DAB1: variants seen among roughly 807,000 people sequenced by gnomAD.
DAB1 encodes DAB adaptor protein 1.
DAB1 carries 15 observed loss-of-function variants against 64.6 expected under a neutral mutation model. The ratio of observed to expected loss-of-function variants is 0.23; its 90% CI spans 0.16 to 0.36. DAB1 has a LOEUF of 0.36. Ranked by LOEUF, DAB1 falls within the 10% of genes least tolerant of loss-of-function variation. DAB1 has a pLI of 1.00. For synonymous variants in DAB1, 235 were observed against 251.9 expected (o/e 0.93, Z 0.64); for missense variants, 596 against 706.7 (o/e 0.84, Z 1.78).
chr1:58,082,638 G>C (rs1450360281), intron 5 of DAB1, among the ~76,000 whole-genome samples: 1 of 152,094 alleles, frequency 6.6e-6, no homozygotes. Context: ...CCCCTGACAT[G>C]ACCCTTGGAG....
At chr1:57,773,661 C>A (rs1287773648) in intron 6 of DAB1, among the ~76,000 whole-genome samples, 1 of 151,922 alleles carries the variant, frequency 6.6e-6, no homozygotes, top group Non-Finnish European at 1.5e-5. Flanking sequence ...GTATACTATC[C>A]ATTTCAAGTA....
intron 4 of DAB1, among the ~76,000 whole-genome samples, chr1:57,113,937 A>G (rs10493215): frequency 0.083 from 12,574 of 152,292 alleles, 614 homozygotes; most frequent in South Asian, 0.12. Context: ...AAATAATTCA[A>G]AATGCACATA....
At chr1:58,384,065 T>G (rs1416153738) in intron 3 of DAB1, among the ~76,000 whole-genome samples, 1 of 152,196 alleles carries the variant, frequency 6.6e-6, no homozygotes, top group Non-Finnish European at 1.5e-5. Flanking sequence ...GTTGTTTTTT[T>G]TTTTATAGTA....
intron 3 of DAB1, among the ~76,000 whole-genome samples, chr1:58,403,104 T>C (rs1287394770): frequency 6.6e-6 from 1 of 152,002 alleles, no homozygotes; most frequent in East Asian, 1.9e-4. Flanking sequence ...TGCAGTTGAG[T>C]TGTGTTAAAG....
intron 2 of DAB1, among the ~76,000 whole-genome samples, chr1:57,252,858 C>T (rs1388214911): frequency 6.6e-6 from 1 of 152,170 alleles, no homozygotes. Context: ...GCTTAAAAAT[C>T]ATGCTAACCT....
chr1:57,377,251 C>T (rs1008080652), intron 1 of DAB1, among the ~76,000 whole-genome samples: 9 of 147,058 alleles, frequency 6.1e-5, no homozygotes, highest in African/African-American at 2.3e-4. Context: ...GCCTGGGTGA[C>T]AGAGTGAGAC....
chr1:57,364,506 C>G (rs1679810814), intron 1 of DAB1, among the ~76,000 whole-genome samples: 1 of 151,984 alleles, frequency 6.6e-6, no homozygotes, highest in Non-Finnish European at 1.5e-5. Flanking sequence ...ATTAAATGAT[C>G]TATAAAGACC....
intron 6 of DAB1, among the ~76,000 whole-genome samples, chr1:57,748,869 G>C (rs979253812): frequency 6.6e-6 from 1 of 152,182 alleles, no homozygotes; most frequent in Admixed American, 6.5e-5. Context: ...TTTTCATGCA[G>C]GCTGGCCAAT....
intron 7 of DAB1, among the ~76,000 whole-genome samples, chr1:57,522,089 G>A (rs1056806451): frequency 2.0e-5 from 3 of 151,220 alleles, no homozygotes; most frequent in South Asian, 2.1e-4. Flanking sequence ...CAGCCTGGGC[G>A]ACAGAGCGAG....
intron 1 of DAB1, among the ~76,000 whole-genome samples, chr1:57,304,157 G>A (rs941581399): frequency 2.6e-5 from 4 of 152,176 alleles, no homozygotes; most frequent in African/African-American, 9.7e-5. Context: ...CAGAAGGGAA[G>A]GTAAAGCAGG....
intron 5 of DAB1, among the ~76,000 whole-genome samples, chr1:57,989,746 G>A (rs1463008368): frequency 6.6e-6 from 1 of 152,112 alleles, no homozygotes; most frequent in East Asian, 1.9e-4. Context: ...GATGCACCAG[G>A]ACATTGATTT....
chr1:57,331,199 A>G (rs1570295966), intron 1 of DAB1, among the ~76,000 whole-genome samples: 1 of 152,324 alleles, frequency 6.6e-6, no homozygotes, highest in East Asian at 1.9e-4. Context: ...TCTGCTAACG[A>G]TAAGAACAAT....
At chr1:57,938,061 C>G (rs964458179) in intron 5 of DAB1, among the ~76,000 whole-genome samples, 1 of 152,218 alleles carries the variant, frequency 6.6e-6, no homozygotes, top group African/African-American at 2.4e-5. Context: ...GTGACTTGCA[C>G]TAAGCAGAAA....
intron 7 of DAB1, among the ~76,000 whole-genome samples, chr1:57,553,313 C>T (rs1002065709): frequency 1.5e-5 from 2 of 131,674 alleles, no homozygotes; most frequent in African/African-American, 5.8e-5. Flanking sequence ...GTAATAGGAA[C>T]CAATTCAAGA....
intron 1 of DAB1, among the ~76,000 whole-genome samples, chr1:57,867,671 G>C (rs1654366994): frequency 6.6e-6 from 1 of 152,080 alleles, no homozygotes; most frequent in Admixed American, 6.6e-5. Context: ...TAATTCCAGG[G>C]CTCTCCATTT....
chr1:58,203,949 T>C lies in DAB1; in HGVS notation n.310-53361A>G, dbSNP rs111759186. 1.6e-3 allele frequency among the ~76,000 whole-genome samples: 238 copies of C among 152,304 alleles called. 2 individuals are homozygous for C. Among genetic ancestry groups the C allele is most frequent in the African/African-American group, 5.3e-3 (220 of 41,562 alleles). On this transcript the variant is annotated intron_variant and non_coding_transcript_variant, in intron 4 of 20. Transcript: ENST00000485760. ...TGTTACATCTTGAGGTCAAAGAGCA[T>C]GCATACAGAAGGCATTTGAGAAAAA...
chr1:57,782,878 G>A (rs1365088203), intron 6 of DAB1, among the ~76,000 whole-genome samples: 4 of 152,086 alleles, frequency 2.6e-5, no homozygotes, highest in South Asian at 2.1e-4. Context: ...CACCATCTGC[G>A]ATGGGGTTTA....
chr1:57,559,201 G>T (rs1051721730), intron 7 of DAB1, among the ~76,000 whole-genome samples: 4 of 152,166 alleles, frequency 2.6e-5, no homozygotes, highest in African/African-American at 4.8e-5. Flanking sequence ...AGTGTTCCTA[G>T]AAGTGAAATT....
At chr1:57,798,730 G>A (rs1452331339) in intron 6 of DAB1, among the ~76,000 whole-genome samples, 11 of 152,170 alleles carry the variant, frequency 7.2e-5, no homozygotes, top group Non-Finnish European at 1.2e-4. Flanking sequence ...CTGTGGATTA[G>A]TATACATTCA....
Sources: allele counts gnomAD v4.1 joint callset (sites outside exome capture counted in the v4.1 genomes callset), GRCh38; gene constraint gnomAD v4.1.1; transcripts MANE v1.5; gene names NCBI Gene and HGNC (gene_info 2026-07-23, HGNC 2026-07-21).